DNAJC15: variants seen among roughly 807,000 people sequenced by gnomAD.
DNAJC15 encodes the protein dnaJ homolog subfamily C member 15.
In DNAJC15, 27 loss-of-function variants were observed where a neutral mutation model predicts 22.4. The observed-to-expected ratio is 1.20, with a 90% confidence interval of 0.89 to 1.66. The LOEUF (loss-of-function observed/expected upper bound fraction) is 1.66. Ranked by LOEUF, DNAJC15 falls within the 40% of genes most tolerant of loss-of-function variation. The pLI is 0.00. For synonymous variants in DNAJC15, 79 were observed against 63.2 expected, an observed-to-expected ratio of 1.25 and a Z score of -1.19; for missense variants, 208 against 187.1, an observed-to-expected ratio of 1.11 and a Z score of -0.65.
intron 1 of DNAJC15, among the ~76,000 whole-genome samples, chr13:43,033,679 T>G (rs567742923): frequency 6.6e-5 from 10 of 152,224 alleles, no homozygotes; most frequent in African/African-American, 1.9e-4. Context: ...TTCTTAGGTG[T>G]TTTTCTCATG....
intron 1 of DNAJC15, among the ~76,000 whole-genome samples, chr13:43,044,531 A>G (rs1401575446): frequency 6.6e-6 from 1 of 152,176 alleles, no homozygotes; most frequent in Non-Finnish European, 1.5e-5. Flanking sequence ...TGTTCAAGAC[A>G]ATAACCTTGA....
At chr13:43,077,395 T>G (rs1255141929) in intron 3 of DNAJC15, among the ~76,000 whole-genome samples, 1 of 152,202 alleles carries the variant, frequency 6.6e-6, no homozygotes, top group Admixed American at 6.5e-5. Context: ...AAGTTAGGCT[T>G]CAGTGCATTC....
chr13:43,064,077 C>G (rs2040571831), intron 1 of DNAJC15, among the ~76,000 whole-genome samples: 1 of 152,178 alleles, frequency 6.6e-6, no homozygotes, highest in Non-Finnish European at 1.5e-5. Context: ...TAGGCTTTCG[C>G]TCCTCTGCCA....
At position 43,107,348 on chromosome 13, in the gene DNAJC15, T is replaced by C. The variant is rs2040802386; in HGVS notation, c.*100T>C. ...AACATGGTCTTCTTAATTTTCTATA[T>C]GGATTGACCACAGTCTTATCTTCCA... On this transcript the variant is annotated 3_prime_UTR_variant, in exon 6 of 6. Coordinates refer to ENST00000379221, the MANE Select transcript of DNAJC15 (RefSeq NM_013238.3). 2.1e-6 allele frequency: 2 copies of C among 944,162 alleles called. No individual in the cohort carries two copies. Among genetic ancestry groups the C allele is most frequent in the Non-Finnish European group, 3.0e-6 (2 of 674,074 alleles). 58.5% of individuals were successfully genotyped at this position (944,162 alleles called of 1,614,324 possible). A position where few individuals can be genotyped will look rare whatever the true frequency, so the allele number is the denominator to read the frequency against.
chr13:43,107,040 C>G, intron 5 of DNAJC15, 138 bp from the exon 6 acceptor site: 1 of 643,554 alleles, frequency 1.6e-6, no homozygotes, highest in Non-Finnish European at 2.4e-6. Context: ...GTTTTGATTT[C>G]TAGTTAGCTT....
chr13:43,108,279 TATCA>T lies in DNAJC15; in HGVS notation c.*1035_*1038del, dbSNP rs1383286566. The T allele has an allele frequency of 6.6e-6, 1 of 152,170 alleles. No homozygotes were observed. Among genetic ancestry groups the T allele is most frequent in the African/African-American group, 2.4e-5 (1 of 41,438 alleles). 9.4% of individuals were successfully genotyped at this position (152,170 alleles called of 1,614,324 possible). A position where few individuals can be genotyped will look rare whatever the true frequency, so the allele number is the denominator to read the frequency against. Reference sequence around the variant, plus strand: ...AGATGAGAATTAGCAGAAATAGATATATCAATCGGAGTGATTAGAGTGCAGGGTT... The same window carrying T: ...AGATGAGAATTAGCAGAAATAGATATATCGGAGTGATTAGAGTGCAGGGTT... On this transcript the variant is annotated 3_prime_UTR_variant, in exon 6 of 6. Coordinates refer to ENST00000379221, the MANE Select transcript of DNAJC15 (RefSeq NM_013238.3).
At chr13:43,070,720 G>A (rs765512437) in intron 3 of DNAJC15, among the ~76,000 whole-genome samples, 7 of 152,144 alleles carry the variant, frequency 4.6e-5, no homozygotes, top group Non-Finnish European at 7.4e-5. Flanking sequence ...TATATGAAGG[G>A]AATAGTGGTA....
At chr13:43,055,638 T>A (rs1196756523) in intron 1 of DNAJC15, among the ~76,000 whole-genome samples, 1 of 152,214 alleles carries the variant, frequency 6.6e-6, no homozygotes, top group African/African-American at 2.4e-5. Flanking sequence ...TTGGTTAATC[T>A]AAGGGTCTAC....
At chr13:43,106,852 C>G (rs973636229) in intron 5 of DNAJC15, among the ~76,000 whole-genome samples, 2 of 150,948 alleles carry the variant, frequency 1.3e-5, no homozygotes, top group Non-Finnish European at 3.0e-5. Context: ...CCTAACCATC[C>G]ACTTAATTTT....
At chr13:43,097,642 A>G (rs900096937) in intron 5 of DNAJC15, among the ~76,000 whole-genome samples, 1 of 151,468 alleles carries the variant, frequency 6.6e-6, no homozygotes, top group South Asian at 2.1e-4. Flanking sequence ...GTAAAGGGGA[A>G]AAAAAAAGGT....
intron 4 of DNAJC15, among the ~76,000 whole-genome samples, chr13:43,083,120 G>A (rs1017611396): frequency 1.3e-5 from 2 of 151,848 alleles, no homozygotes; most frequent in Non-Finnish European, 2.9e-5. Flanking sequence ...TTTTTGGAGG[G>A]TGATGTAAAA....
rs554326276 is a variant in DNAJC15 at position 43,113,311 on chromosome 13, T to A, written c.*6063T>A. 5 of 152,358 alleles carry A rather than the reference T, an allele frequency of 3.3e-5. No homozygotes were observed. Among genetic ancestry groups the A allele is most frequent in the African/African-American group, 7.2e-5 (3 of 41,574 alleles). The allele number at this position is 152,358 out of a possible 1,614,324, so 9.4% of individuals were successfully genotyped here. On this transcript the variant is annotated 3_prime_UTR_variant, in exon 6 of 6. Coordinates refer to ENST00000379221, the MANE Select transcript of DNAJC15 (RefSeq NM_013238.3). ...AACTTGCAGCAATTGAAAGGGAATT[T>A]CAGTACTTTTATAGAATTCTTAAAA... is the stretch of plus-strand genomic sequence containing the variant.
chr13:43,030,222 C>A (rs886940125), intron 1 of DNAJC15, among the ~76,000 whole-genome samples: 5 of 152,152 alleles, frequency 3.3e-5, no homozygotes, highest in African/African-American at 1.2e-4. Context: ...CAATTAAATT[C>A]ATTTTAATAG....
At position 43,028,778 on chromosome 13, in the gene DNAJC15, T is replaced by A. The variant is rs1165367230; in HGVS notation, c.108+5044T>A. Among the ~76,000 whole-genome samples the A allele has an allele frequency of 5.9e-5, 9 of 152,144 alleles. No individual in the cohort carries two copies. In the East Asian group the frequency reaches 1.3e-3, roughly 23 times the overall value. On this transcript the variant is annotated intron_variant, in intron 1 of 5. Coordinates refer to ENST00000379221, the MANE Select transcript of DNAJC15 (RefSeq NM_013238.3). Reference sequence around the variant, plus strand: ...GGCTAACTCCTATTCATTTTTTTTTTAAAGACACATCCAGTGTGAAGCCTT... The same window carrying A: ...GGCTAACTCCTATTCATTTTTTTTTAAAAGACACATCCAGTGTGAAGCCTT...
intron 1 of DNAJC15, among the ~76,000 whole-genome samples, chr13:43,034,803 G>GT (rs1329868736): frequency 6.6e-6 from 1 of 151,874 alleles, no homozygotes; most frequent in Non-Finnish European, 1.5e-5. Flanking sequence ...CGTTGTGGGG[G>GT]TTTTTTTGAG....
chr13:43,070,339 A>G (rs1340397878), intron 3 of DNAJC15, among the ~76,000 whole-genome samples: 2 of 152,190 alleles, frequency 1.3e-5, no homozygotes, highest in African/African-American at 4.8e-5. Flanking sequence ...GTAGGTATTC[A>G]GTAAATATTC....
At chr13:43,087,192 T>C (rs1339003060) in intron 5 of DNAJC15, among the ~76,000 whole-genome samples, 1 of 152,238 alleles carries the variant, frequency 6.6e-6, no homozygotes, top group Non-Finnish European at 1.5e-5. Context: ...TTTTGGATTA[T>C]TGTTCCCTCT....
chr13:43,069,818 T>G (rs970923026), intron 3 of DNAJC15, among the ~76,000 whole-genome samples: 3 of 152,152 alleles, frequency 2.0e-5, no homozygotes, highest in African/African-American at 7.2e-5. Flanking sequence ...GTTTATTAAA[T>G]AAATGAACAG....
At position 43,046,754 on chromosome 13, in the gene DNAJC15, G is replaced by A. The variant is rs902742914; in HGVS notation, c.109-18932G>A. ...CACTCTTCTGGTCCGTGTTTGTTAC[G>A]GTTCGAGCTGAGCTTTTGCTCGCTG... is the stretch of plus-strand genomic sequence containing the variant. On this transcript the variant is annotated intron_variant, in intron 1 of 5. Coordinates refer to ENST00000379221, the MANE Select transcript of DNAJC15 (RefSeq NM_013238.3). 5.3e-5 allele frequency among the ~76,000 whole-genome samples: 8 copies of A among 152,084 alleles called. No individual in the cohort carries two copies. In the East Asian group the frequency reaches 5.8e-4, roughly 11 times the overall value.
Sources: allele counts gnomAD v4.1 joint callset (sites outside exome capture counted in the v4.1 genomes callset), GRCh38; gene constraint gnomAD v4.1.1; transcripts MANE v1.5; gene names NCBI Gene and HGNC (gene_info 2026-07-23, HGNC 2026-07-21).